The following NARS2 variants were observed in gnomAD, a reference collection of about 807,000 sequenced individuals.
NARS2 encodes asparaginyl-tRNA synthetase 2, mitochondrial.
In NARS2, 60 loss-of-function variants were observed where a neutral mutation model predicts 62.9. The ratio of observed to expected loss-of-function variants is 0.95; its 90% CI spans 0.77 to 1.18. The LOEUF is 1.18. Among genes scored for constraint, NARS2 ranks in the 50% most tolerant of loss-of-function variants. The pLI is 0.00. For missense variants in NARS2, 619 were observed against 576.4 expected (o/e 1.07, Z -0.76); for synonymous variants, 196 against 200.0 (o/e 0.98, Z 0.17).
At chr11:78,547,192 G>T (rs1855913519) in intron 5 of NARS2, among the ~76,000 whole-genome samples, 1 of 152,072 alleles carries the variant, frequency 6.6e-6, no homozygotes, top group South Asian at 2.1e-4. Context: ...TTAGCCAGGT[G>T]TGGTGGTGCA....
chr11:78,529,139 A>T (rs551151791), intron 5 of NARS2, among the ~76,000 whole-genome samples: 1 of 152,220 alleles, frequency 6.6e-6, no homozygotes, highest in African/African-American at 2.4e-5. Context: ...AGTTTGTTCC[A>T]TATTTTCAAA....
At chr11:78,570,401 G>T (rs1856883072) in intron 2 of NARS2, among the ~76,000 whole-genome samples, 1 of 152,070 alleles carries the variant, frequency 6.6e-6, no homozygotes, top group Non-Finnish European at 1.5e-5. Context: ...TTGGTTTGGG[G>T]GGTTTTTTGG....
At chr11:78,543,393 A>C (rs909591979) in intron 5 of NARS2, among the ~76,000 whole-genome samples, 10 of 152,182 alleles carry the variant, frequency 6.6e-5, no homozygotes, top group African/African-American at 2.4e-4. Flanking sequence ...ATTAGATGGT[A>C]TTGGCCCTAA....
intron 5 of NARS2, among the ~76,000 whole-genome samples, chr11:78,539,326 G>A (rs897156752): frequency 6.6e-5 from 10 of 152,140 alleles, no homozygotes; most frequent in African/African-American, 2.2e-4. Flanking sequence ...AACAAAGGAC[G>A]GATAAATTAG....
intron 4 of NARS2, among the ~76,000 whole-genome samples, chr11:78,563,987 C>T (rs1856656157): frequency 1.3e-5 from 2 of 149,102 alleles, no homozygotes; most frequent in South Asian, 2.2e-4. Context: ...CTGCAACCTC[C>T]GCCTCCCGGG....
intron 4 of NARS2, among the ~76,000 whole-genome samples, chr11:78,564,630 A>G (rs57220103): frequency 0.045 from 6,876 of 152,230 alleles, 521 homozygotes; most frequent in African/African-American, 0.16. Flanking sequence ...AGCCTACAAA[A>G]CCTTCAGAAC....
chr11:78,528,393 AC>A (rs561149137), intron 6 of NARS2, among the ~76,000 whole-genome samples: 5 of 152,176 alleles, frequency 3.3e-5, no homozygotes, highest in Admixed American at 2.0e-4. Flanking sequence ...ATTTGATCTG[AC>A]TTAAAAGATG....
chr11:78,481,295 A>G (rs1859345499), intron 7 of NARS2, among the ~76,000 whole-genome samples: 1 of 152,222 alleles, frequency 6.6e-6, no homozygotes, highest in African/African-American at 2.4e-5. Flanking sequence ...AAGGAGAACA[A>G]CAGGAAGCTA....
intron 6 of NARS2, among the ~76,000 whole-genome samples, chr11:78,523,912 T>C (rs763242864): frequency 6.6e-6 from 1 of 152,182 alleles, no homozygotes; most frequent in Admixed American, 6.5e-5. Context: ...TCTAAAATTA[T>C]GTCAGTGATA....
intron 3 of NARS2, 74 bp downstream of exon 3, chr11:78,568,558 A>C: frequency 6.8e-7 from 1 of 1,474,526 alleles, no homozygotes; most frequent in Non-Finnish European, 9.1e-7. Context: ...CATCTTCCTA[A>C]TAATCACACT....
At chr11:78,541,320 A>G (rs1374000686) in intron 5 of NARS2, among the ~76,000 whole-genome samples, 1 of 151,838 alleles carries the variant, frequency 6.6e-6, no homozygotes, top group African/African-American at 2.4e-5. Flanking sequence ...CACCTTTCCA[A>G]TAAGTCATGT....
At chr11:78,513,010 G>A (rs534693317) in intron 6 of NARS2, among the ~76,000 whole-genome samples, 65 of 152,234 alleles carry the variant, frequency 4.3e-4, no homozygotes, top group African/African-American at 1.5e-3. Context: ...AGTAGTTTGG[G>A]AGGCTGAGGC....
intron 4 of NARS2, 82 bp from the exon 5 acceptor site, chr11:78,559,701 G>A (rs1233381244): frequency 4.4e-6 from 4 of 906,408 alleles, no homozygotes; most frequent in Admixed American, 1.9e-5. Flanking sequence ...GTATTAAAAT[G>A]GCACACTAAG....
intron 5 of NARS2, among the ~76,000 whole-genome samples, chr11:78,554,269 T>C (rs1285230938): frequency 6.6e-6 from 1 of 152,220 alleles, no homozygotes; most frequent in Non-Finnish European, 1.5e-5. Flanking sequence ...ATATAAATGT[T>C]AAAATAATTT....
chr11:78,544,795 C>CAAAAAAAAA (rs35180232), intron 5 of NARS2, among the ~76,000 whole-genome samples: 1 of 63,258 alleles, frequency 1.6e-5, no homozygotes, highest in African/African-American at 6.2e-5. Flanking sequence ...CTCCGTCTCA[C>CAAAAAAAAA]AAAAAAAAAA....
intron 4 of NARS2, among the ~76,000 whole-genome samples, chr11:78,564,175 C>G (rs765915449): frequency 1.4e-4 from 21 of 151,778 alleles, no homozygotes; most frequent in East Asian, 2.0e-4. Context: ...GCTAGGATTA[C>G]AGGTGTGAGC....
intron 5 of NARS2, among the ~76,000 whole-genome samples, chr11:78,543,225 G>A (rs1011394955): frequency 3.9e-5 from 6 of 152,250 alleles, no homozygotes; most frequent in East Asian, 1.9e-4. Flanking sequence ...TAAAAGTCAC[G>A]ATTTTGATGC....
chr11:78,466,688 G>A (rs1858637886), intron 10 of NARS2, among the ~76,000 whole-genome samples: 2 of 152,042 alleles, frequency 1.3e-5, no homozygotes, highest in Admixed American at 1.3e-4. Context: ...TCACTACGTT[G>A]GCCAGGCTGG....
At chr11:78,547,534 C>A (rs1855928168) in intron 5 of NARS2, among the ~76,000 whole-genome samples, 1 of 152,206 alleles carries the variant, frequency 6.6e-6, no homozygotes, top group South Asian at 2.1e-4. Context: ...GATACGTGAA[C>A]AAAATGAACA....
Sources: allele counts gnomAD v4.1 joint callset (sites outside exome capture counted in the v4.1 genomes callset), GRCh38; gene constraint gnomAD v4.1.1; transcripts MANE v1.5; gene names NCBI Gene and HGNC (gene_info 2026-07-23, HGNC 2026-07-21).